Variants in SH3RF2 observed in about 807,000 individuals in gnomAD.
SH3RF2 encodes E3 ubiquitin-protein ligase SH3RF2.
SH3RF2 carries 43 observed loss-of-function variants against 59.0 expected under a neutral mutation model. The ratio of observed to expected loss-of-function variants is 0.73; its 90% CI spans 0.57 to 0.94. The LOEUF (loss-of-function observed/expected upper bound fraction) is 0.94, where lower values mean the gene tolerates loss of function less well. SH3RF2 is among the 40% of genes least tolerant of loss of function. The pLI, the probability that SH3RF2 is intolerant of heterozygous loss-of-function variation, is 0.00. For synonymous variants in SH3RF2, 391 were observed against 391.5 expected (o/e 1.00, Z 0.01); for missense variants, 930 against 940.1 (o/e 0.99, Z 0.14).
chr5:145,971,768 T>C (rs1759091225), intron 2 of SH3RF2, among the ~76,000 whole-genome samples: 1 of 152,120 alleles, frequency 6.6e-6, no homozygotes, highest in Non-Finnish European at 1.5e-5. Flanking sequence ...TAGCAGAGTA[T>C]TGGTAAACAA....
At chr5:146,056,282 G>T in intron 8 of SH3RF2, 69 bp downstream of exon 8, 2 of 1,602,872 alleles carry the variant, frequency 1.2e-6, no homozygotes, top group Non-Finnish European at 8.5e-7. Flanking sequence ...GGGGTACACA[G>T]GATGCTTTTT....
At chr5:145,989,092 C>T (rs79684480) in intron 2 of SH3RF2, among the ~76,000 whole-genome samples, 4,038 of 152,260 alleles carry the variant, frequency 0.027, 77 homozygotes, top group South Asian at 0.068. Flanking sequence ...TCCCAAGACA[C>T]GTGGGCTCTT....
intron 8 of SH3RF2, among the ~76,000 whole-genome samples, chr5:146,057,984 C>CTATCTA (rs1554120847): frequency 6.9e-6 from 1 of 145,742 alleles, no homozygotes; most frequent in African/African-American, 2.7e-5. Flanking sequence ...ATCTATCTAT[C>CTATCTA]TATATATATA....
intron 5 of SH3RF2, among the ~76,000 whole-genome samples, chr5:146,037,444 G>A (rs892990266): frequency 5.9e-5 from 9 of 152,040 alleles, no homozygotes; most frequent in South Asian, 2.1e-4. Flanking sequence ...TGGGACTCTC[G>A]GGTGCTCTAA....
At chr5:145,997,871 C>T in intron 2 of SH3RF2, 1 of 1,049,602 alleles carries the variant, frequency 9.5e-7, no homozygotes. Context: ...GCTCAGTGCC[C>T]TTGCCAACAG....
chr5:146,040,632 T>C (rs1475186919), intron 5 of SH3RF2, among the ~76,000 whole-genome samples: 1 of 152,072 alleles, frequency 6.6e-6, no homozygotes, highest in Admixed American at 6.6e-5. Context: ...GACCTGGCCG[T>C]GTACTTCAGA....
At chr5:146,080,579 A>G (rs985306538) in exon 10 of SH3RF2, 4 of 152,198 alleles carry the variant, frequency 2.6e-5, no homozygotes, top group African/African-American at 9.7e-5. Context: ...CTTCATCCCA[A>G]AAAATAGAGC....
chr5:145,938,536 T>C (rs1192755000), intron 2 of SH3RF2, among the ~76,000 whole-genome samples: 4 of 152,240 alleles, frequency 2.6e-5, no homozygotes, highest in African/African-American at 4.8e-5. Context: ...TAGGTTCTCC[T>C]TTCCTCTAGT....
chr5:146,035,332 G>C (rs1287197224), intron 5 of SH3RF2, among the ~76,000 whole-genome samples: 2 of 150,442 alleles, frequency 1.3e-5, no homozygotes, highest in Admixed American at 1.3e-4. Context: ...AAATTCCTTA[G>C]AAGGGATTTT....
chr5:146,056,155 C>T lies in SH3RF2; in HGVS notation c.1497C>T (p.Ala499=), dbSNP rs781572829. 27 of 1,614,176 alleles carry T rather than the reference C, an allele frequency of 1.7e-5. No individual in the cohort carries two copies. The highest frequency in any genetic ancestry group is 2.2e-5 in the South Asian group (2 of 91,076). ...TAIVNPVRST[A]GPGTLGQGSL... The stretch of plus-strand genomic sequence containing the variant: ...TAGTCAACCCCGTGAGAAGCACAGC[C>T]GGCCCTGGGACTTTAGGACAAGGGT... Residue 499 remains alanine (A), a synonymous_variant, in exon 8 of 10, where the codon GCC becomes GCT. Coordinates refer to ENST00000359120, the MANE Select transcript of SH3RF2 (RefSeq NM_152550.4).
At chr5:145,959,943 G>A (rs1189495866) in intron 2 of SH3RF2, among the ~76,000 whole-genome samples, 1 of 152,054 alleles carries the variant, frequency 6.6e-6, no homozygotes, top group Non-Finnish European at 1.5e-5. Flanking sequence ...ATTCAAGTCA[G>A]GTACATGTAA....
rs1160024608 is a variant in SH3RF2, at chr5:145,937,852, G to C, written c.-77G>C. The C allele has an allele frequency of 1.3e-6, 2 of 1,521,838 alleles. No individual in the cohort carries two copies. The highest frequency in any genetic ancestry group is 1.4e-5 in the African/African-American group (1 of 72,064). 94.3% of individuals were successfully genotyped at this position (1,521,838 alleles called of 1,614,324 possible). A position where few individuals can be genotyped will look rare whatever the true frequency, so the allele number is the denominator to read the frequency against. On this transcript the variant is annotated 5_prime_UTR_variant, in exon 2 of 10. Transcript: ENST00000359120. ...AAATTCTGACGTTCTCAAGAGACCA[G>C]CTCTGCCCCCGTGGCTCAACTGACC...
At chr5:146,073,312 G>T (rs1045416575) in intron 9 of SH3RF2, among the ~76,000 whole-genome samples, 2 of 152,256 alleles carry the variant, frequency 1.3e-5, no homozygotes, top group African/African-American at 4.8e-5. Flanking sequence ...GTGTACCCCA[G>T]AATGCAGCCA....
At chr5:145,963,802 T>G (rs1245079831) in intron 2 of SH3RF2, among the ~76,000 whole-genome samples, 1 of 151,546 alleles carries the variant, frequency 6.6e-6, no homozygotes, top group East Asian at 1.9e-4. Flanking sequence ...CCTTAATAGT[T>G]TTTCTTTCTT....
chr5:145,977,103 G>C (rs1261079544), intron 2 of SH3RF2, among the ~76,000 whole-genome samples: 1 of 152,220 alleles, frequency 6.6e-6, no homozygotes, highest in Non-Finnish European at 1.5e-5. Context: ...CTTGGAGAAG[G>C]TTGCCTCGGC....
chr5:146,045,857 T>C (rs1762282798), intron 5 of SH3RF2, among the ~76,000 whole-genome samples: 1 of 152,256 alleles, frequency 6.6e-6, no homozygotes, highest in African/African-American at 2.4e-5. Flanking sequence ...ACAGATTTAC[T>C]GGGTCATATG....
At chr5:146,078,689 A>G (rs1421525046) in exon 10 of SH3RF2, 1 of 152,256 alleles carries the variant, frequency 6.6e-6, no homozygotes, top group Non-Finnish European at 1.5e-5. Flanking sequence ...GTGGTGGGCC[A>G]GAATGGAGGA....
intron 2 of SH3RF2, among the ~76,000 whole-genome samples, chr5:145,977,179 T>A (rs73792782): frequency 0.077 from 11,782 of 152,286 alleles, 1,552 homozygotes; most frequent in African/African-American, 0.27. Context: ...AGGGCTCTTT[T>A]TCTTAGGCCC....
chr5:146,074,841 C>T (rs1415134721), intron 9 of SH3RF2, among the ~76,000 whole-genome samples: 1 of 151,930 alleles, frequency 6.6e-6, no homozygotes, highest in Non-Finnish European at 1.5e-5. Context: ...TCTGGCACAG[C>T]ATTTCAAAGC....
Sources: allele counts gnomAD v4.1 joint callset (sites outside exome capture counted in the v4.1 genomes callset), GRCh38; gene constraint gnomAD v4.1.1; transcripts MANE v1.5; gene names NCBI Gene and HGNC (gene_info 2026-07-23, HGNC 2026-07-21).